MYO18B: variants seen among roughly 807,000 people sequenced by gnomAD.
The protein encoded by MYO18B is unconventional myosin-XVIIIb.
MYO18B carries 204 observed loss-of-function variants against 273.0 expected under a neutral mutation model. The ratio of observed to expected loss-of-function variants is 0.75; its 90% CI spans 0.67 to 0.84. The LOEUF (loss-of-function observed/expected upper bound fraction) is 0.84. MYO18B is among the 40% of genes least tolerant of loss of function. MYO18B has a pLI of 0.00. For synonymous variants in MYO18B, 1,330 were observed against 1,305.7 expected (o/e 1.02, Z -0.40); for missense variants, 3,212 against 3,287.6 (o/e 0.98, Z 0.56).
intron 11 of MYO18B, among the ~76,000 whole-genome samples, chr22:25,789,009 A>G (rs1332478660): frequency 6.6e-6 from 1 of 152,034 alleles, no homozygotes; most frequent in Admixed American, 6.6e-5. Flanking sequence ...TGACACTTCC[A>G]ATGTCAGCCC....
intron 34 of MYO18B, among the ~76,000 whole-genome samples, chr22:25,944,720 G>A (rs953511919): frequency 3.3e-5 from 5 of 151,964 alleles, no homozygotes; most frequent in Non-Finnish European, 5.9e-5. Flanking sequence ...GGTGGCAGGC[G>A]CCTGTAGTCC....
intron 31 of MYO18B, among the ~76,000 whole-genome samples, chr22:25,907,629 G>C (rs1468334914): frequency 1.3e-5 from 2 of 152,160 alleles, no homozygotes; most frequent in Non-Finnish European, 2.9e-5. Flanking sequence ...TCTTTTCCAG[G>C]CTTTCATGTC....
chr22:25,744,713 A>T (rs760988562), intron 1 of MYO18B, among the ~76,000 whole-genome samples: 1 of 152,200 alleles, frequency 6.6e-6, no homozygotes, highest in Non-Finnish European at 1.5e-5. Flanking sequence ...CAGCCTGGGG[A>T]CAGAGAGAGA....
the MYO18B span, among the ~76,000 whole-genome samples, chr22:26,037,001 T>C: frequency 6.6e-6 from 1 of 152,166 alleles, no homozygotes; most frequent in Non-Finnish European, 1.5e-5. Flanking sequence ...CTGGGCTCTA[T>C]CTCCAAATAC....
At chr22:25,996,215 A>G (rs1481909265) in intron 40 of MYO18B, among the ~76,000 whole-genome samples, 2 of 152,216 alleles carry the variant, frequency 1.3e-5, no homozygotes, top group Non-Finnish European at 2.9e-5. Context: ...AATAAGAAGC[A>G]AGTGAAAAAG....
chr22:25,942,660 A>G lies in MYO18B; in HGVS notation c.5518-3477A>G, dbSNP rs2092658221. Among the ~76,000 whole-genome samples, 3 of 152,086 alleles carry G rather than the reference A, an allele frequency of 2.0e-5. No homozygotes were observed. The South Asian group carries it at 6.2e-4, about 32-fold the overall frequency. ...AGTCCGCCTTTATCAAAAGGTCCTA[A>G]TGGTGGCACCTTTCTCCTAGAGGTG... On this transcript the variant is annotated intron_variant, in intron 34 of 43. Coordinates refer to ENST00000335473, the MANE Select transcript of MYO18B (RefSeq NM_032608.7).
intron 35 of MYO18B, among the ~76,000 whole-genome samples, chr22:25,947,034 G>A (rs758053848): frequency 7.2e-4 from 109 of 152,214 alleles, no homozygotes; most frequent in Non-Finnish European, 1.2e-3. Flanking sequence ...GGTATAGTTC[G>A]AGTTTTATAG....
intron 39 of MYO18B, among the ~76,000 whole-genome samples, chr22:25,958,064 G>A (rs772026671): frequency 2.0e-5 from 3 of 151,872 alleles, no homozygotes; most frequent in Admixed American, 6.6e-5. Flanking sequence ...ACAGATGCGC[G>A]CCACCATGCC....
At chr22:25,788,762 T>TGAAACA (rs2087508078) in intron 11 of MYO18B, among the ~76,000 whole-genome samples, 1 of 152,212 alleles carries the variant, frequency 6.6e-6, no homozygotes, top group Non-Finnish European at 1.5e-5. Flanking sequence ...TGATTAATTC[T>TGAAACA]GCTTCTGTTT....
chr22:26,063,693 A>T, the MYO18B span, among the ~76,000 whole-genome samples: 1 of 152,306 alleles, frequency 6.6e-6, no homozygotes, highest in Non-Finnish European at 1.5e-5. Context: ...CCTCAACACT[A>T]AACACCACTT....
At position 25,876,232 on chromosome 22, in the gene MYO18B, T is replaced by C. The variant is rs1386197277; in HGVS notation, c.4124T>C (p.Val1375Ala). The C allele has an allele frequency of 6.2e-7, 1 of 1,613,478 alleles. No individual in the cohort carries two copies. The highest frequency in any genetic ancestry group is 1.7e-4 in the Middle Eastern group (1 of 6,058). ...AAQCIQKNVA[V>A]FLAVKDWPWW... ...CAGTGCATCCAGAAGAATGTGGCTG[T>C]GTTCCTCGCAGTCAAGGACTGGCCA... The change falls in exon 24 of 44, where the codon GTG becomes GCG. Residue 1375 changes from valine to alanine, a missense_variant. By Grantham distance (64) the Val-to-Ala change is moderately conservative. Coordinates refer to ENST00000335473, the MANE Select transcript of MYO18B (RefSeq NM_032608.7).
chr22:25,836,650 C>T (rs1273958697), intron 17 of MYO18B, among the ~76,000 whole-genome samples: 1 of 152,054 alleles, frequency 6.6e-6, no homozygotes, highest in Non-Finnish European at 1.5e-5. Context: ...ATCCCTACAA[C>T]ACTAGGCACT....
chr22:25,927,936 A>G (rs2092444555), intron 34 of MYO18B, among the ~76,000 whole-genome samples: 1 of 152,148 alleles, frequency 6.6e-6, no homozygotes, highest in Non-Finnish European at 1.5e-5. Flanking sequence ...TTTTGCTTTG[A>G]GAGAGGAGCT....
At chr22:25,782,173 A>G (rs1172458977) in intron 10 of MYO18B, among the ~76,000 whole-genome samples, 1 of 152,188 alleles carries the variant, frequency 6.6e-6, no homozygotes, top group Non-Finnish European at 1.5e-5. Context: ...GTAATGTGGA[A>G]ACAACACCTT....
chr22:25,835,419 G>C lies in MYO18B; in HGVS notation c.3184G>C (p.Glu1062Gln), dbSNP rs780365829. The change falls in exon 17 of 44, where the codon GAG (glutamate) becomes CAG (glutamine). Residue 1062 changes from glutamate (E) to glutamine (Q), a missense_variant. By Grantham distance (29) the Glu-to-Gln change is conservative. Coordinates refer to ENST00000335473, the MANE Select transcript of MYO18B (RefSeq NM_032608.7). ...VVLERLCAAFEKKGAGTEGSS... is the reference protein window; with the variant it reads ...VVLERLCAAFQKKGAGTEGSS... Reference sequence around the variant, plus strand: ...GCTCGAGCGTCTGTGTGCTGCTTTCGAGAAGAAAGGAGCTGGGACTGAAGG... The same window carrying C: ...GCTCGAGCGTCTGTGTGCTGCTTTCCAGAAGAAAGGAGCTGGGACTGAAGG... The C allele has an allele frequency of 1.2e-6, 2 of 1,613,778 alleles. No individual in the cohort carries two copies. Among genetic ancestry groups the C allele is most frequent in the African/African-American group, 2.7e-5 (2 of 74,904 alleles).
chr22:25,757,586 C>CA (rs1047600673), intron 1 of MYO18B, among the ~76,000 whole-genome samples: 3,989 of 137,692 alleles, frequency 0.029, 194 homozygotes, highest in Admixed American at 0.14. Flanking sequence ...GACTGCATAT[C>CA]AAAAAAAAAA....
chr22:25,928,670 A>G (rs1466625747), intron 34 of MYO18B, among the ~76,000 whole-genome samples: 2 of 152,136 alleles, frequency 1.3e-5, no homozygotes, highest in Non-Finnish European at 2.9e-5. Context: ...TACAATACAG[A>G]AGACTCCTGA....
downstream of MYO18B, among the ~76,000 whole-genome samples, chr22:26,034,525 A>C (rs1318089291): frequency 6.6e-6 from 1 of 152,022 alleles, no homozygotes; most frequent in East Asian, 1.9e-4. Context: ...AAATGGTGGC[A>C]TCATTGTTCT....
Position 26,001,830 on chromosome 22 carries a change from G to T in MYO18B, c.6288-1435G>T, listed in dbSNP as rs1295219686. On this transcript the variant is annotated intron_variant, in intron 40 of 43. Coordinates refer to ENST00000335473, the MANE Select transcript of MYO18B (RefSeq NM_032608.7). ...TCTGAATGCCGAGTCCACCCGTGGG[G>T]CTAGTACTCATGGAGTCAGCCAGGG... is the stretch of plus-strand genomic sequence containing the variant. Among the ~76,000 whole-genome samples the T allele has an allele frequency of 4.6e-5, 7 of 152,354 alleles. No individual in the cohort carries two copies. The East Asian group carries it at 1.3e-3, about 29-fold the overall frequency.
Sources: gnomAD v4.1 joint callset for allele counts (sites outside exome capture counted in the v4.1 genomes callset) on GRCh38, gnomAD v4.1.1 for gene constraint, MANE v1.5 for transcripts, NCBI Gene and HGNC (gene_info 2026-07-23, HGNC 2026-07-21) for gene names.